The following GRK5 variants were observed in gnomAD, a reference collection of about 807,000 sequenced individuals.
GRK5 encodes G protein-coupled receptor kinase 5.
GRK5 carries 40 observed loss-of-function variants against 78.4 expected under a neutral mutation model. The ratio of observed to expected loss-of-function variants is 0.51; its 90% confidence interval spans 0.40 to 0.66. The LOEUF (loss-of-function observed/expected upper bound fraction) is 0.66. GRK5 is among the 30% of genes least tolerant of loss of function. The pLI is 0.00. For synonymous variants in GRK5, 289 were observed against 296.8 expected (o/e 0.97, Z 0.27); for missense variants, 598 against 759.9 (o/e 0.79, Z 2.50).
rs977975290 is a variant in GRK5, at chr10:119,337,307, G to C, written c.148+10696G>C. ...TTCCCATGATTTGACTCCAAGGCAG[G>C]CTCTCTCCCCTACTGCGTTAGTTTT... is the stretch of plus-strand genomic sequence containing the variant. On this transcript the variant is annotated intron_variant, in intron 2 of 15. Transcript: ENST00000392870. Among the ~76,000 whole-genome samples, 8 of 152,296 alleles carry C rather than the reference G, an allele frequency of 5.3e-5. No individual in the cohort carries two copies. In the South Asian group the frequency reaches 1.0e-3, roughly 20 times the overall value.
At chr10:119,281,113 C>T (rs570883967) in intron 1 of GRK5, among the ~76,000 whole-genome samples, 4 of 149,898 alleles carry the variant, frequency 2.7e-5, no homozygotes, top group Non-Finnish European at 4.5e-5. Context: ...GCCTCAGGGC[C>T]GGCCCATTGC....
rs961759521 is a variant in GRK5 at position 119,452,937 on chromosome 10, A to G, written c.1542+129A>G. On this transcript the variant is annotated intron_variant, in intron 14 of 15. Transcript: ENST00000392870. This position sits in a 1 kb window ranked among gnomAD's most constrained non-coding sequence, Gnocchi z 4.4. ...TGGTTTCTGTTTTCTCCATGAAGGC[A>G]GCACACAAAAGCTGTCAGTGGCCAA... is the stretch of plus-strand genomic sequence containing the variant. 17 of 1,167,548 alleles carry G rather than the reference A, an allele frequency of 1.5e-5. No homozygotes were observed. The highest frequency in any genetic ancestry group is 2.1e-5 in the Non-Finnish European group (17 of 806,312). The allele number at this position is 1,167,548 out of a possible 1,614,324, so 72.3% of individuals were successfully genotyped here.
At chr10:119,323,137 G>GC (rs368176683) in intron 1 of GRK5, among the ~76,000 whole-genome samples, 136 of 152,302 alleles carry the variant, frequency 8.9e-4, no homozygotes, top group African/African-American at 3.2e-3. Flanking sequence ...GTTGCCGGGA[G>GC]CTAGGAGGAA....
chr10:119,419,088 G>A (rs1852519653), intron 4 of GRK5, among the ~76,000 whole-genome samples: 1 of 152,156 alleles, frequency 6.6e-6, no homozygotes, highest in Admixed American at 6.5e-5. Flanking sequence ...TTTCTCTCCA[G>A]AACCCACCCG....
intron 1 of GRK5, among the ~76,000 whole-genome samples, chr10:119,245,062 G>A (rs1487810484): frequency 6.6e-6 from 1 of 152,126 alleles, no homozygotes; most frequent in African/African-American, 2.4e-5. Flanking sequence ...TGGATCACGA[G>A]GTCAGAAGAT....
At chr10:119,279,511 G>T (rs1849724597) in intron 1 of GRK5, among the ~76,000 whole-genome samples, 1 of 152,156 alleles carries the variant, frequency 6.6e-6, no homozygotes, top group Admixed American at 6.5e-5. Context: ...AGGGCTCGGT[G>T]CTACTAGGGG....
At chr10:119,444,448 T>A (rs1853103597) in intron 12 of GRK5, among the ~76,000 whole-genome samples, 1 of 152,116 alleles carries the variant, frequency 6.6e-6, no homozygotes, top group African/African-American at 2.4e-5. Context: ...ATGCCGGCCC[T>A]CAGGCCCTTC....
In GRK5 at chr10:119,306,281, C is replaced by T. The variant is rs529553069; in HGVS notation, c.53-20235C>T. Among the ~76,000 whole-genome samples, 104 of 152,332 alleles carry T rather than the reference C, an allele frequency of 6.8e-4. 2 individuals carry two copies. Among genetic ancestry groups the T allele is most frequent in the African/African-American group, 2.3e-3 (97 of 41,548 alleles). On this transcript the variant is annotated intron_variant, in intron 1 of 15. Coordinates refer to ENST00000392870, the MANE Select transcript of GRK5 (RefSeq NM_005308.3). ...TGTGTGAGGTGAGTCACTGTTTCCC[C>T]CGTTTTGTTGATTGCAGACACCTCT...
chr10:119,327,290 G>A (rs1850695643), intron 2 of GRK5, among the ~76,000 whole-genome samples: 1 of 152,218 alleles, frequency 6.6e-6, no homozygotes, highest in Admixed American at 6.5e-5. Flanking sequence ...GCTGTGGTGA[G>A]GAGGCCTGGG....
chr10:119,250,701 T>G (rs758575548), intron 1 of GRK5, among the ~76,000 whole-genome samples: 1 of 152,192 alleles, frequency 6.6e-6, no homozygotes. Context: ...CCTTGATGAC[T>G]GGATCAGAGC....
intron 2 of GRK5, among the ~76,000 whole-genome samples, chr10:119,352,173 G>C (rs1469827422): frequency 6.6e-6 from 1 of 152,128 alleles, no homozygotes; most frequent in Non-Finnish European, 1.5e-5. Context: ...ATAAAATCTT[G>C]AGTTAGGCCA....
chr10:119,228,238 T>C (rs753514914), intron 1 of GRK5, among the ~76,000 whole-genome samples: 1 of 151,640 alleles, frequency 6.6e-6, no homozygotes, highest in Non-Finnish European at 1.5e-5. Context: ...CCAGCTACTG[T>C]GGAGGCTGAG....
At chr10:119,411,374 A>G (rs898602239) in intron 4 of GRK5, among the ~76,000 whole-genome samples, 7 of 152,192 alleles carry the variant, frequency 4.6e-5, no homozygotes, top group African/African-American at 7.2e-5. Flanking sequence ...CAGAGAGCCC[A>G]GAGACCCCTT....
At chr10:119,303,113 C>T (rs1199622869) in intron 1 of GRK5, among the ~76,000 whole-genome samples, 1 of 152,038 alleles carries the variant, frequency 6.6e-6, no homozygotes. Flanking sequence ...AGCCATGTGT[C>T]CGGTATTGTT....
chr10:119,382,911 C>T (rs1851736067), intron 3 of GRK5, among the ~76,000 whole-genome samples: 1 of 151,704 alleles, frequency 6.6e-6, no homozygotes, highest in African/African-American at 2.4e-5. Flanking sequence ...ACAGGCTCCT[C>T]TATATTTCTT....
At chr10:119,409,302 T>C (rs1852295625) in intron 4 of GRK5, among the ~76,000 whole-genome samples, 1 of 152,234 alleles carries the variant, frequency 6.6e-6, no homozygotes, top group East Asian at 1.9e-4. Context: ...TGATTTCATC[T>C]TGGCGCCTCC....
chr10:119,415,081 CAA>C (rs762165768), intron 4 of GRK5, among the ~76,000 whole-genome samples: 16,338 of 75,700 alleles, frequency 0.22, 909 homozygotes, highest in South Asian at 0.32. Flanking sequence ...GACTCTGTCT[CAA>C]AAAAAAAAAA....
At chr10:119,260,500 A>G (rs1160816626) in intron 1 of GRK5, among the ~76,000 whole-genome samples, 1 of 151,226 alleles carries the variant, frequency 6.6e-6, no homozygotes, top group Non-Finnish European at 1.5e-5. Flanking sequence ...GAAGGTCAGC[A>G]GGTAAACAAG....
At chr10:119,314,748 G>C (rs1364836716) in intron 1 of GRK5, among the ~76,000 whole-genome samples, 1 of 152,230 alleles carries the variant, frequency 6.6e-6, no homozygotes, top group Admixed American at 6.5e-5. Context: ...ACTGGGAGCA[G>C]TCTCCTCCTG....
Sources: allele counts gnomAD v4.1 joint callset (sites outside exome capture counted in the v4.1 genomes callset), GRCh38; gene constraint gnomAD v4.1.1; non-coding constraint Gnocchi (gnomAD v3.1); transcripts MANE v1.5; gene names NCBI Gene and HGNC (gene_info 2026-07-23, HGNC 2026-07-21).